The following STPG2 variants were observed in gnomAD, a reference collection of about 807,000 sequenced individuals.
STPG2 encodes sperm tail PG-rich repeat containing 2.
A neutral mutation model predicts 54.2 loss-of-function variants in STPG2; 56 were observed. The observed-to-expected ratio is 1.03, with a 90% CI of 0.83 to 1.29. STPG2 has a LOEUF of 1.29. Among genes scored for constraint, STPG2 ranks in the 50% most tolerant of loss-of-function variants. The pLI is 0.00. For missense variants in STPG2, 596 were observed against 544.9 expected, an observed-to-expected ratio of 1.09 and a Z score of -0.93; for synonymous variants, 200 against 181.8, an observed-to-expected ratio of 1.10 and a Z score of -0.81.
chr4:98,050,728 G>A (rs774475480), intron 5 of STPG2, among the ~76,000 whole-genome samples: 113 of 152,300 alleles, frequency 7.4e-4, no homozygotes, highest in Non-Finnish European at 4.1e-4. Context: ...AAAGGAAGCC[G>A]GGCGCGGTGG....
In STPG2 at chr4:97,700,677, G is replaced by A. The variant is rs186889914; in HGVS notation, c.1320+12022C>T. On this transcript the variant is annotated intron_variant, in intron 10 of 10. Coordinates refer to ENST00000295268, the MANE Select transcript of STPG2 (RefSeq NM_174952.3). ...GTAATAGACCAGTGTGATATCTTGCGGAAGTGGAAAGTGATCAGGGTCTCT... is the reference window on the plus strand; with the variant it reads ...GTAATAGACCAGTGTGATATCTTGCAGAAGTGGAAAGTGATCAGGGTCTCT... Among the ~76,000 whole-genome samples the A allele has an allele frequency of 2.9e-4, 44 of 152,288 alleles. 1 individual carries two copies. The highest frequency in any genetic ancestry group is 3.9e-4 in the African/African-American group (16 of 41,546).
At chr4:97,556,436 G>T (rs190390126), downstream of STPG2, among the ~76,000 whole-genome samples, 2 of 152,248 alleles carry the variant, frequency 1.3e-5, no homozygotes, top group East Asian at 3.9e-4. Flanking sequence ...CAATATTAGT[G>T]CAATGTGCAT....
chr4:98,000,416 T>G (rs999691207), intron 5 of STPG2, among the ~76,000 whole-genome samples: 3 of 152,158 alleles, frequency 2.0e-5, no homozygotes, highest in Non-Finnish European at 2.9e-5. Context: ...TTATTTTAAA[T>G]GGACTATATT....
chr4:97,996,541 G>A (rs1377373752), intron 5 of STPG2, among the ~76,000 whole-genome samples: 3 of 86,826 alleles, frequency 3.5e-5, no homozygotes, highest in African/African-American at 8.5e-5. Context: ...TTGGACATAG[G>A]ACTTGGCAAA....
At chr4:97,587,327 T>C (rs532104570) in intron 10 of STPG2, among the ~76,000 whole-genome samples, 21 of 152,124 alleles carry the variant, frequency 1.4e-4, no homozygotes, top group Admixed American at 7.2e-4. Flanking sequence ...TTAGGTACCA[T>C]TGTAGCCCAC....
intron 5 of STPG2, among the ~76,000 whole-genome samples, chr4:98,077,679 A>G (rs1738215703): frequency 6.6e-6 from 1 of 152,254 alleles, no homozygotes; most frequent in Non-Finnish European, 1.5e-5. Flanking sequence ...TAAAACTATC[A>G]CACAAGATAA....
At chr4:97,899,370 T>G (rs1370579658) in intron 8 of STPG2, among the ~76,000 whole-genome samples, 3 of 151,920 alleles carry the variant, frequency 2.0e-5, no homozygotes, top group Non-Finnish European at 2.9e-5. Context: ...ATAGGAAGAA[T>G]CAATATCATT....
At chr4:98,002,060 G>A (rs1735429472) in intron 5 of STPG2, among the ~76,000 whole-genome samples, 1 of 151,954 alleles carries the variant, frequency 6.6e-6, no homozygotes, top group Non-Finnish European at 1.5e-5. Context: ...GTCTAAAAGA[G>A]GTTTGATCAA....
At chr4:97,617,745 G>A (rs891917083) in intron 10 of STPG2, among the ~76,000 whole-genome samples, 7 of 152,096 alleles carry the variant, frequency 4.6e-5, no homozygotes, top group African/African-American at 1.4e-4. Flanking sequence ...CTAGCAAGTT[G>A]GCCCAGGAAA....
intron 9 of STPG2, among the ~76,000 whole-genome samples, chr4:97,763,582 T>C (rs1016378023): frequency 6.6e-6 from 1 of 152,154 alleles, no homozygotes; most frequent in East Asian, 1.9e-4. Flanking sequence ...GATAGTCTTA[T>C]TTTATGCCTA....
chr4:97,860,179 C>T (rs981930012), intron 8 of STPG2, among the ~76,000 whole-genome samples: 4 of 152,100 alleles, frequency 2.6e-5, no homozygotes, highest in Non-Finnish European at 5.9e-5. Flanking sequence ...CAAATTAGTT[C>T]CTTTTTCTTA....
intron 5 of STPG2, among the ~76,000 whole-genome samples, chr4:97,985,744 A>G (rs1235957295): frequency 1.3e-5 from 2 of 152,202 alleles, no homozygotes; most frequent in Non-Finnish European, 2.9e-5. Flanking sequence ...CCAAATTGAT[A>G]TCATATTCTT....
At chr4:98,036,484 G>A (rs1462647865) in intron 5 of STPG2, among the ~76,000 whole-genome samples, 4 of 151,962 alleles carry the variant, frequency 2.6e-5, no homozygotes, top group African/African-American at 9.7e-5. Flanking sequence ...CAATAAAAAA[G>A]AACAAGATCA....
At chr4:97,561,186 T>G (rs1278813061) in intron 10 of STPG2, among the ~76,000 whole-genome samples, 10 of 151,934 alleles carry the variant, frequency 6.6e-5, no homozygotes, top group African/African-American at 2.4e-4. Context: ...TTGATTTGCA[T>G]TTCTCTGATG....
intron 9 of STPG2, among the ~76,000 whole-genome samples, chr4:97,730,157 C>T (rs1315104585): frequency 6.6e-6 from 1 of 152,178 alleles, no homozygotes; most frequent in Non-Finnish European, 1.5e-5. Context: ...CTCCCTCCCT[C>T]ACTGCCTCGT....
chr4:97,876,376 T>C (rs946824455), intron 8 of STPG2, among the ~76,000 whole-genome samples: 3 of 152,060 alleles, frequency 2.0e-5, no homozygotes, highest in Non-Finnish European at 2.9e-5. Context: ...CAAATTCAGA[T>C]TTTAAAAGTC....
intron 8 of STPG2, among the ~76,000 whole-genome samples, chr4:97,906,075 C>T (rs897376469): frequency 1.3e-5 from 2 of 152,058 alleles, no homozygotes; most frequent in Non-Finnish European, 2.9e-5. Flanking sequence ...ATGAATCCAG[C>T]AGCTGGTTTT....
chr4:97,551,748 A>C (rs1026023687), intron 4 of STPG2, among the ~76,000 whole-genome samples: 2 of 152,262 alleles, frequency 1.3e-5, no homozygotes, highest in Non-Finnish European at 2.9e-5. Context: ...ACATAGAAAA[A>C]ATAACACTTA....
intron 8 of STPG2, among the ~76,000 whole-genome samples, chr4:97,939,968 T>C (rs1302265529): frequency 2.6e-5 from 4 of 152,200 alleles, no homozygotes; most frequent in Admixed American, 2.0e-4. Context: ...ATGGAGCTTC[T>C]TTCAAGATCT....
Sources: gnomAD v4.1 joint callset for allele counts (sites outside exome capture counted in the v4.1 genomes callset) on GRCh38, gnomAD v4.1.1 for gene constraint, MANE v1.5 for transcripts, NCBI Gene and HGNC (gene_info 2026-07-23, HGNC 2026-07-21) for gene names.